SLC5A2: variants seen among roughly 807,000 people sequenced by gnomAD.
SLC5A2 encodes the protein solute carrier family 5 member 2.
A neutral mutation model predicts 69.0 loss-of-function variants in SLC5A2; 67 were observed. The observed-to-expected ratio is 0.97, with a 90% confidence interval of 0.80 to 1.19. SLC5A2 has a LOEUF of 1.19. SLC5A2 is among the 50% of genes most tolerant of loss of function. The pLI is 0.00. For missense variants in SLC5A2, 1,001 were observed against 921.5 expected (o/e 1.09, Z -1.12); for synonymous variants, 455 against 395.8 (o/e 1.15, Z -1.78).
At position 31,488,761 on chromosome 16, in the gene SLC5A2, G is replaced by A. The variant is rs537643888; in HGVS notation, c.1269G>A (p.Leu423=). Residue 423 remains leucine (L), a synonymous_variant, in exon 10 of 14, where the codon CTG becomes CTA. Coordinates refer to ENST00000330498, the MANE Select transcript of SLC5A2 (RefSeq NM_003041.4). ...CACGCGCCGGCGACCGCGAGCTGCTGCTGGTGGGACGGTGCGGCCTGGGCT... is the reference window on the plus strand; with the variant it reads ...CACGCGCCGGCGACCGCGAGCTGCTACTGGTGGGACGGTGCGGCCTGGGCT... ...LRPRAGDREL[L]LVGRLWVVFI... 1.2e-6 allele frequency: 2 copies of A among 1,603,432 alleles called. No individual in the cohort carries two copies. The highest frequency in any genetic ancestry group is 1.7e-5 in the Admixed American group (1 of 59,436).
chr16:31,490,603 C>G lies in SLC5A2; in HGVS notation c.*68C>G, dbSNP rs2082558052. The G allele has an allele frequency of 2.2e-6, 3 of 1,379,992 alleles. No individual in the cohort carries two copies. Among genetic ancestry groups the G allele is most frequent in the Non-Finnish European group, 3.0e-6 (3 of 987,176 alleles). 85.5% of individuals were successfully genotyped at this position (1,379,992 alleles called of 1,614,324 possible). On this transcript the variant is annotated 3_prime_UTR_variant, in exon 14 of 14. Coordinates refer to ENST00000330498, the MANE Select transcript of SLC5A2 (RefSeq NM_003041.4). ...GTGGGGGTGAGGAGCCTGCGGTGCT[C>G]CCCAGAAAAGGGGAAGGGGCAGTGG... is the stretch of plus-strand genomic sequence containing the variant.
Position 31,490,300 on chromosome 16 carries a change from T to C in SLC5A2, c.1793-9T>C, listed in dbSNP as rs371220506. The C allele has an allele frequency of 2.3e-5, 37 of 1,612,906 alleles. No homozygotes were observed. The African/African-American group carries it at 4.5e-4, about 20-fold the overall frequency. ...CGCAAACTAACTGCAGGGCCTCAAT[T>C]TCCCTCAGAGCCCCAGGCCCCGGCA... is the stretch of plus-strand genomic sequence containing the variant. On this transcript the variant is annotated splice_polypyrimidine_tract_variant and intron_variant, in intron 13 of 13. Transcript: ENST00000330498.
At chr16:31,488,803 G>C in intron 10 of SLC5A2, 31 bp downstream of exon 10, 10 of 1,600,494 alleles carry the variant, frequency 6.2e-6, no homozygotes, top group Non-Finnish European at 8.5e-6. Flanking sequence ...CTCCCCAACG[G>C]ATCAGCCCGG....
Position 31,488,667 on chromosome 16 carries a change from C to T in SLC5A2, c.1175C>T (p.Ser392Phe), listed in dbSNP as rs1279698539. The T allele has an allele frequency of 1.9e-6, 3 of 1,612,462 alleles. No homozygotes were observed. In the Admixed American group the frequency reaches 5.0e-5, roughly 27 times the overall value. The change falls in exon 10 of 14, where the codon TCC (serine) becomes TTC (phenylalanine). Residue 392 changes from serine (S) to phenylalanine (F), a missense_variant. Physicochemically the swap from Ser to Phe is radical, Grantham distance 155. Coordinates refer to ENST00000330498, the MANE Select transcript of SLC5A2 (RefSeq NM_003041.4). ...GCGGTCATGCTGGCCGCGCTCATGT[C>T]CTCGCTGGCCTCCATCTTCAACAGC... Reference protein sequence around the residue: ...MLAVMLAALMSSLASIFNSSS... With the variant: ...MLAVMLAALMFSLASIFNSSS...
In SLC5A2 at chr16:31,489,109, T is replaced by C. The variant is rs374122696; in HGVS notation, c.1450-14T>C. The C allele has an allele frequency of 6.8e-5, 110 of 1,606,356 alleles. 1 individual carries two copies. Among genetic ancestry groups the C allele is most frequent in the East Asian group, 4.5e-4 (20 of 44,878 alleles). On this transcript the variant is annotated splice_polypyrimidine_tract_variant and intron_variant, in intron 11 of 13. Coordinates refer to ENST00000330498, the MANE Select transcript of SLC5A2 (RefSeq NM_003041.4). ...CTTGCACATCCTCAGCAGGCTGACCTGTTTCCTTCGCAGGGCGCCTTCTGG... is the reference window on the plus strand; with the variant it reads ...CTTGCACATCCTCAGCAGGCTGACCCGTTTCCTTCGCAGGGCGCCTTCTGG...
Position 31,484,839 on chromosome 16 carries a change from C to T in SLC5A2, c.219C>T (p.Ala73=). The T allele has an allele frequency of 6.2e-7, 1 of 1,613,830 alleles. No homozygotes were observed. Residue 73 remains alanine, a synonymous_variant, in exon 3 of 14, where the codon GCC becomes GCT. Coordinates refer to ENST00000330498, the MANE Select transcript of SLC5A2 (RefSeq NM_003041.4). ...CCCAGGTTGGGGCCTCTCTCTTCGC[C>T]AGCAACATCGGCAGTGGCCACTTTG... ...VWWPVGASLF[A]SNIGSGHFVG...
intron 12 of SLC5A2, chr16:31,489,660 G>C: frequency 2.0e-6 from 1 of 499,954 alleles, no homozygotes. Flanking sequence ...GTTTGGTTTT[G>C]TTGCCAAAGG....
At chr16:31,486,949 G>A (rs1163508651) in intron 5 of SLC5A2, among the ~76,000 whole-genome samples, 2 of 152,242 alleles carry the variant, frequency 1.3e-5, no homozygotes, top group Non-Finnish European at 2.9e-5. Flanking sequence ...GGGAGGCTGA[G>A]GCAGGAGAAT....
chr16:31,488,231 T>C (rs1420801963), intron 8 of SLC5A2, 58 bp downstream of exon 8: 1 of 1,613,192 alleles, frequency 6.2e-7, no homozygotes, highest in Non-Finnish European at 8.5e-7. Context: ...GTCGCCCAGT[T>C]CCGTCACCCT....
chr16:31,488,628 G>C lies in SLC5A2; in HGVS notation c.1136G>C (p.Arg379Pro). The change falls in exon 10 of 14, where the codon CGC becomes CCC. Residue 379 changes from arginine (R) to proline (P), a missense_variant. Physicochemically the swap from Arg to Pro is moderately radical, Grantham distance 103 (BLOSUM62 -2). Transcript: ENST00000330498. ...GGCTGCCGTCGGCCCGCAGGTCTGC[G>C]CGGACTCATGCTGGCGGTCATGCTG... is the stretch of plus-strand genomic sequence containing the variant. Reference protein sequence around the residue: ...LVVKLMPNGLRGLMLAVMLAA... With the variant: ...LVVKLMPNGLPGLMLAVMLAA... 1 of 1,611,192 alleles carries C rather than the reference G, an allele frequency of 6.2e-7. No homozygotes were observed. Among genetic ancestry groups the C allele is most frequent in the Non-Finnish European group, 8.5e-7 (1 of 1,179,418 alleles).
chr16:31,489,100 A>T, intron 11 of SLC5A2, 23 bp from the exon 12 acceptor site: 1 of 1,605,500 alleles, frequency 6.2e-7, no homozygotes, highest in Non-Finnish European at 8.5e-7. Flanking sequence ...CATCCTCAGC[A>T]GGCTGACCTG....
chr16:31,483,892 C>T (rs2082474344), intron 1 of SLC5A2, among the ~76,000 whole-genome samples: 1 of 151,442 alleles, frequency 6.6e-6, no homozygotes, highest in Non-Finnish European at 1.5e-5. Flanking sequence ...TGGATGAGAC[C>T]TTGTTTCTTA....
At chr16:31,483,376 T>C (rs2082471058) in intron 1 of SLC5A2, 114 bp downstream of exon 1, 1 of 1,371,836 alleles carries the variant, frequency 7.3e-7, no homozygotes, top group African/African-American at 1.4e-5. Flanking sequence ...AGGAGAAACC[T>C]AGGCCTGGGG....
At position 31,483,250 on chromosome 16, in the gene SLC5A2, C is replaced by T. The variant is rs745623248; in HGVS notation, c.114C>T (p.Gly38=). 1.2e-5 allele frequency: 19 copies of T among 1,613,126 alleles called. No individual in the cohort carries two copies. In the East Asian group the frequency reaches 1.6e-4, roughly 13 times the overall value. Residue 38 remains glycine (G), a synonymous_variant, in exon 1 of 14, where the codon GGC becomes GGT. Transcript: ENST00000330498. ...VIAAYFLLVI[G]VGLWSMCRTN... ...CTGCATATTTCCTGCTGGTCATTGG[C>T]GTTGGCTTGTGGGTGAGAAGTTGGG...
rs373185306 is a variant in SLC5A2, at chr16:31,485,834, C to T, written c.409C>T (p.Arg137Cys). 19 of 1,613,326 alleles carry T rather than the reference C, an allele frequency of 1.2e-5. No individual in the cohort carries two copies. The highest frequency in any genetic ancestry group is 6.7e-5 in the East Asian group (3 of 44,898). The change falls in exon 4 of 14, where the codon CGC (arginine) becomes TGC (cysteine). Residue 137 changes from arginine (R) to cysteine (C), a missense_variant. Coordinates refer to ENST00000330498, the MANE Select transcript of SLC5A2 (RefSeq NM_003041.4). ...QYLRKRFGGRRIRLYLSVLSL... is the reference protein window; with the variant it reads ...QYLRKRFGGRCIRLYLSVLSL... ...CCTGCGCAAGCGCTTCGGCGGCCGC[C>T]GCATCCGCCTCTACCTGTCTGTGCT...
intron 10 of SLC5A2, 36 bp downstream of exon 10, chr16:31,488,808 G>GC: frequency 6.2e-7 from 1 of 1,600,826 alleles, no homozygotes. Context: ...CAACGGATCA[G>GC]CCCGGGGCGG....
chr16:31,487,240 T>A, intron 5 of SLC5A2, 80 bp from the exon 6 acceptor site: 1 of 1,351,336 alleles, frequency 7.4e-7, no homozygotes, highest in Non-Finnish European at 1.1e-6. Flanking sequence ...CTCTTTCAAA[T>A]TCCCACAAAG....
At chr16:31,486,006 T>C (rs2082492592) in intron 4 of SLC5A2, 113 bp downstream of exon 4, 4 of 1,311,194 alleles carry the variant, frequency 3.1e-6, no homozygotes, top group Non-Finnish European at 2.2e-6. Context: ...AGGGTTATGA[T>C]GATGGAGGCA....
At position 31,488,788 on chromosome 16, in the gene SLC5A2, C is replaced by T. The variant is rs768870309; in HGVS notation, c.1280+16C>T. ...TGGTGGGACGGTGCGGCCTGGGCTC[C>T]CCTCCTCCCCAACGGATCAGCCCGG... On this transcript the variant is annotated intron_variant, in intron 10 of 13. Transcript: ENST00000330498. 1.2e-6 allele frequency: 2 copies of T among 1,600,140 alleles called. No individual in the cohort carries two copies. The highest frequency in any genetic ancestry group is 1.7e-6 in the Non-Finnish European group (2 of 1,177,802).
Sources: gnomAD v4.1 joint callset for allele counts (sites outside exome capture counted in the v4.1 genomes callset) on GRCh38, gnomAD v4.1.1 for gene constraint, MANE v1.5 for transcripts, NCBI Gene and HGNC (gene_info 2026-07-23, HGNC 2026-07-21) for gene names.